TLE1: variants seen among roughly 807,000 people sequenced by gnomAD.
TLE1 encodes the protein TLE family member 1, transcriptional corepressor.
Under a neutral mutation model 89.8 loss-of-function variants are expected in TLE1, and 21 were observed. The ratio of observed to expected loss-of-function variants is 0.23; its 90% confidence interval spans 0.17 to 0.34. The LOEUF (loss-of-function observed/expected upper bound fraction) is 0.34. Ranked by LOEUF, TLE1 falls within the 10% of genes least tolerant of loss-of-function variation. TLE1 has a pLI of 1.00. For missense variants in TLE1, 795 were observed against 1,031.2 expected, an observed-to-expected ratio of 0.77 and a Z score of 3.14; for synonymous variants, 447 against 407.6, an observed-to-expected ratio of 1.10 and a Z score of -1.16.
chr9:81,611,680 C>T (rs1012637899), intron 13 of TLE1, 89 bp downstream of exon 13: 97 of 1,279,488 alleles, frequency 7.6e-5, no homozygotes, highest in Middle Eastern at 2.8e-4. Context: ...GCCCACGCAG[C>T]GCAGAGAGGC....
intron 16 of TLE1, among the ~76,000 whole-genome samples, chr9:81,588,487 C>T (rs1828963865): frequency 1.3e-5 from 2 of 152,186 alleles, no homozygotes; most frequent in African/African-American, 2.4e-5. Flanking sequence ...GGCAGAGACA[C>T]AGGTAATTGC....
intron 4 of TLE1, among the ~76,000 whole-genome samples, chr9:81,655,455 G>C (rs1830046676): frequency 6.6e-6 from 1 of 152,106 alleles, no homozygotes; most frequent in African/African-American, 2.4e-5. Flanking sequence ...ACTGGCAAGA[G>C]AGGGAACAGA....
At chr9:81,642,457 C>T (rs1238636045) in intron 6 of TLE1, among the ~76,000 whole-genome samples, 1 of 151,734 alleles carries the variant, frequency 6.6e-6, no homozygotes. Context: ...TTTGGGAGGC[C>T]GAGGAAGGTG....
rs192753729 is a variant in TLE1 at position 81,631,857 on chromosome 9, C to T, written c.594+1491G>A. ...GTGGCTCAGGCCTGCAATCCCAGCA[C>T]GTTGGGAGGCTGAGGCAGGCGGATC... On this transcript the variant is annotated intron_variant, in intron 8 of 19. Transcript: ENST00000376499. Among the ~76,000 whole-genome samples, 23 of 152,284 alleles carry T rather than the reference C, an allele frequency of 1.5e-4. No individual in the cohort carries two copies. The East Asian group carries it at 1.5e-3, about 10-fold the overall frequency.
In TLE1 at chr9:81,645,388, AT is replaced by A. The variant is rs913918718; in HGVS notation, c.372+6825del. Among the ~76,000 whole-genome samples, 369 of 151,302 alleles carry A rather than the reference AT, an allele frequency of 2.4e-3. 2 individuals carry two copies. The highest frequency in any genetic ancestry group is 0.017 in the Middle Eastern group (5 of 290). On this transcript the variant is annotated intron_variant, in intron 6 of 19. Transcript: ENST00000376499. The stretch of plus-strand genomic sequence containing the variant: ...CTCCAAAAAAAAAAAAATAATAGTA[AT>A]AATAATTCAATTGTAATTTTAAAAT...
At chr9:81,591,761 A>T (rs1829538169) in intron 15 of TLE1, among the ~76,000 whole-genome samples, 1 of 152,188 alleles carries the variant, frequency 6.6e-6, no homozygotes, top group Non-Finnish European at 1.5e-5. Flanking sequence ...GCTATAGAAT[A>T]TTGGGCCATA....
At chr9:81,673,091 G>A (rs1224148320) in intron 4 of TLE1, among the ~76,000 whole-genome samples, 5 of 151,744 alleles carry the variant, frequency 3.3e-5, no homozygotes, top group Non-Finnish European at 4.4e-5. Context: ...TGGCCAACAT[G>A]GTGAAATCCC....
At chr9:81,612,918 C>T (rs1344473654) in intron 12 of TLE1, among the ~76,000 whole-genome samples, 5 of 152,168 alleles carry the variant, frequency 3.3e-5, no homozygotes, top group African/African-American at 7.2e-5. Flanking sequence ...ATTAGCCAGG[C>T]GTGGTGGCAG....
intron 9 of TLE1, among the ~76,000 whole-genome samples, chr9:81,620,168 C>A (rs889328191): frequency 6.6e-6 from 1 of 152,162 alleles, no homozygotes; most frequent in African/African-American, 2.4e-5. Context: ...AAGAGCAGGG[C>A]CCTGAGCAAC....
At chr9:81,611,678 A>G in intron 13 of TLE1, 91 bp downstream of exon 13, 1 of 1,255,100 alleles carries the variant, frequency 8.0e-7, no homozygotes, top group Non-Finnish European at 1.0e-6. Context: ...CTGCCCACGC[A>G]GCGCAGAGAG....
intron 6 of TLE1, among the ~76,000 whole-genome samples, chr9:81,648,816 AC>A (rs550438574): frequency 3.1e-4 from 46 of 150,402 alleles, no homozygotes; most frequent in African/African-American, 1.1e-3. Context: ...ATTTTAAAAA[AC>A]AAACAAAAAT....
At chr9:81,659,637 A>T (rs181249755) in intron 4 of TLE1, among the ~76,000 whole-genome samples, 11 of 152,282 alleles carry the variant, frequency 7.2e-5, no homozygotes, top group Non-Finnish European at 1.0e-4. Flanking sequence ...ACAGTCTTTC[A>T]TTCTCCTTAC....
chr9:81,651,224 C>A (rs1315260298), intron 6 of TLE1, among the ~76,000 whole-genome samples: 1 of 152,214 alleles, frequency 6.6e-6, no homozygotes, highest in African/African-American at 2.4e-5. Flanking sequence ...TGATTTGAAT[C>A]TGCTCAAGGC....
At chr9:81,677,900 A>G (rs1020392034) in intron 4 of TLE1, among the ~76,000 whole-genome samples, 2 of 152,242 alleles carry the variant, frequency 1.3e-5, no homozygotes, top group Non-Finnish European at 2.9e-5. Context: ...ACAGTGGTGT[A>G]TATCTAGCAT....
chr9:81,645,332 T>G lies in TLE1; in HGVS notation c.372+6882A>C, dbSNP rs534574004. Among the ~76,000 whole-genome samples, 11 of 147,846 alleles carry G rather than the reference T, an allele frequency of 7.4e-5. No homozygotes were observed. The East Asian group carries it at 2.2e-3, about 30-fold the overall frequency. ...GAGCGCCAAGATCGCGCCATTGCACTCCAGCCTGGGCAACAAGAGAGAAAC... is the reference window on the plus strand; with the variant it reads ...GAGCGCCAAGATCGCGCCATTGCACGCCAGCCTGGGCAACAAGAGAGAAAC... On this transcript the variant is annotated intron_variant, in intron 6 of 19. Coordinates refer to ENST00000376499, the MANE Select transcript of TLE1 (RefSeq NM_005077.5).
In TLE1 at chr9:81,616,265, A is replaced by C. The variant is rs1047461690; in HGVS notation, c.766-131T>G. 4 of 1,111,584 alleles carry C rather than the reference A, an allele frequency of 3.6e-6. No individual in the cohort carries two copies. The African/African-American group carries it at 6.3e-5, about 17-fold the overall frequency. 68.9% of individuals were successfully genotyped at this position (1,111,584 alleles called of 1,614,324 possible). ...GGGTTGGGGTTGTACAAGGTGACCA[A>C]CACCATGTTATAAATGAGCAATATG... On this transcript the variant is annotated intron_variant, in intron 10 of 19. Coordinates refer to ENST00000376499, the MANE Select transcript of TLE1 (RefSeq NM_005077.5).
chr9:81,685,961 A>T lies in TLE1; in HGVS notation c.126-65T>A, dbSNP rs188928497. 211 of 1,560,482 alleles carry T rather than the reference A, an allele frequency of 1.4e-4. No individual in the cohort carries two copies. In the East Asian group the frequency reaches 4.1e-3, roughly 30 times the overall value. On this transcript the variant is annotated intron_variant, in intron 2 of 19. Transcript: ENST00000376499. ...TCACTTGTTTTAACATCTGCCTCAC[A>T]TATTTGCACTTCAAGTAAAAACACA... is the stretch of plus-strand genomic sequence containing the variant.
At chr9:81,676,574 A>C (rs1832931416) in intron 4 of TLE1, among the ~76,000 whole-genome samples, 1 of 152,218 alleles carries the variant, frequency 6.6e-6, no homozygotes, top group Non-Finnish European at 1.5e-5. Flanking sequence ...AAGGAAATGC[A>C]GGAAGAGAAA....
At chr9:81,611,983 A>G in intron 12 of TLE1, 24 bp from the exon 13 acceptor site, 1 of 1,424,446 alleles carries the variant, frequency 7.0e-7, no homozygotes, top group Non-Finnish European at 9.2e-7. Flanking sequence ...CAAGCCGCAC[A>G]TCATTCAACT....
Sources: allele counts gnomAD v4.1 joint callset (sites outside exome capture counted in the v4.1 genomes callset), GRCh38; gene constraint gnomAD v4.1.1; transcripts MANE v1.5; gene names NCBI Gene and HGNC (gene_info 2026-07-23, HGNC 2026-07-21).